DNAAF4: variants seen among roughly 807,000 people sequenced by gnomAD.
DNAAF4 encodes the protein dynein axonemal assembly factor 4.
DNAAF4 carries 43 observed loss-of-function variants against 51.8 expected under a neutral mutation model. The ratio of observed to expected loss-of-function variants is 0.83; its 90% CI spans 0.65 to 1.07. DNAAF4 has a LOEUF of 1.07. Ranked by LOEUF, DNAAF4 falls within the 50% of genes least tolerant of loss-of-function variation. The pLI, the probability that DNAAF4 is intolerant of heterozygous loss-of-function variation, is 0.00. For missense variants in DNAAF4, 581 were observed against 493.0 expected, an observed-to-expected ratio of 1.18 and a Z score of -1.69; for synonymous variants, 194 against 165.6, an observed-to-expected ratio of 1.17 and a Z score of -1.32.
At chr15:55,457,319 C>G (rs1416060076) in intron 5 of DNAAF4, among the ~76,000 whole-genome samples, 9 of 152,052 alleles carry the variant, frequency 5.9e-5, no homozygotes. Context: ...TATAGCACAG[C>G]AGAGGCAGCC....
chr15:55,432,448 T>G lies in DNAAF4; in HGVS notation c.1153+49A>C. On this transcript the variant is annotated intron_variant, in intron 9 of 9. Coordinates refer to ENST00000321149, the MANE Select transcript of DNAAF4 (RefSeq NM_130810.4). Reference sequence around the variant, plus strand: ...GATCTTAAATAATTCCAATGACATTTTTTTCAGAGTATAACTTGGGACTTA... The same window carrying G: ...GATCTTAAATAATTCCAATGACATTGTTTTCAGAGTATAACTTGGGACTTA... 4.2e-6 allele frequency: 6 copies of G among 1,442,724 alleles called. 1 individual carries two copies. Among genetic ancestry groups the G allele is most frequent in the South Asian group, 1.3e-5 (1 of 78,854 alleles). The allele number at this position is 1,442,724 out of a possible 1,614,324, so 89.4% of individuals were successfully genotyped here. A position where few individuals can be genotyped will look rare whatever the true frequency, so the allele number is the denominator to read the frequency against.
intron 8 of DNAAF4, among the ~76,000 whole-genome samples, chr15:55,432,980 A>T (rs2057521203): frequency 6.6e-6 from 1 of 151,416 alleles, no homozygotes; most frequent in Non-Finnish European, 1.5e-5. Flanking sequence ...ACAAACAAGC[A>T]AAAACATGGT....
At chr15:55,456,556 C>A (rs975637386) in intron 5 of DNAAF4, among the ~76,000 whole-genome samples, 2 of 152,096 alleles carry the variant, frequency 1.3e-5, no homozygotes, top group African/African-American at 4.8e-5. Flanking sequence ...ACTCACAATG[C>A]GAACTTTTAC....
chr15:55,460,940 T>G (rs1401223983), intron 5 of DNAAF4, among the ~76,000 whole-genome samples: 2 of 151,910 alleles, frequency 1.3e-5, no homozygotes, highest in African/African-American at 4.8e-5. Flanking sequence ...AATTTTTGTA[T>G]TTTTAGTAAA....
chr15:55,447,453 G>A (rs377587125), intron 6 of DNAAF4, among the ~76,000 whole-genome samples: 41 of 151,896 alleles, frequency 2.7e-4, no homozygotes, highest in Admixed American at 6.6e-4. Context: ...GTAGCGAGCC[G>A]AGATCATGCC....
At position 55,488,949 on chromosome 15, in the gene DNAAF4, C is replaced by T. The variant is rs139213387; in HGVS notation, c.405+2174G>A. Among the ~76,000 whole-genome samples the T allele has an allele frequency of 2.0e-3, 301 of 152,112 alleles. 1 individual carries two copies. The highest frequency in any genetic ancestry group is 6.8e-3 in the Middle Eastern group (2 of 294). On this transcript the variant is annotated intron_variant, in intron 4 of 9. Coordinates refer to ENST00000321149, the MANE Select transcript of DNAAF4 (RefSeq NM_130810.4). ...TAAAAATACAAAAAAATTAGCCAGG[C>T]GTAGTGGCAGGCACCTGTAGTCCCA...
chr15:55,507,701 G>A (rs1401041563), intron 1 of DNAAF4, among the ~76,000 whole-genome samples: 2 of 152,006 alleles, frequency 1.3e-5, no homozygotes, highest in Non-Finnish European at 2.9e-5. Context: ...GAATTAAAAC[G>A]AAGGCCCGGG....
At chr15:55,493,952 C>T (rs1283254257) in intron 3 of DNAAF4, among the ~76,000 whole-genome samples, 1 of 151,794 alleles carries the variant, frequency 6.6e-6, no homozygotes, top group African/African-American at 2.4e-5. Context: ...GATCCTCCCA[C>T]CTTGGCCTCC....
chr15:55,425,343 A>C (rs1300203202), downstream of DNAAF4, among the ~76,000 whole-genome samples: 2 of 152,184 alleles, frequency 1.3e-5, no homozygotes, highest in Non-Finnish European at 2.9e-5. Context: ...CTGTTAGGTC[A>C]ATTTAACCAG....
intron 1 of DNAAF4, among the ~76,000 whole-genome samples, chr15:55,503,194 C>T (rs557721990): frequency 6.6e-6 from 1 of 152,124 alleles, no homozygotes; most frequent in African/African-American, 2.4e-5. Context: ...ATAAATTCCT[C>T]GACACATACA....
chr15:55,443,119 T>C lies in DNAAF4; in HGVS notation c.784-3538A>G, dbSNP rs576836507. 1.1e-3 allele frequency: 1,766 copies of C among 1,610,484 alleles called. 1 individual carries two copies. The highest frequency in any genetic ancestry group is 1.4e-3 in the Non-Finnish European group (1,630 of 1,176,580). ...AATCCTTTCAGTAGGTGTACGTTTATATGAAGGCAAACGTTTCCAGGAGCC... is the reference window on the plus strand; with the variant it reads ...AATCCTTTCAGTAGGTGTACGTTTACATGAAGGCAAACGTTTCCAGGAGCC... On this transcript the variant is annotated intron_variant, in intron 6 of 9. Coordinates refer to ENST00000321149, the MANE Select transcript of DNAAF4 (RefSeq NM_130810.4).
At chr15:55,500,016 C>T (rs1309951480) in intron 1 of DNAAF4, among the ~76,000 whole-genome samples, 1 of 152,042 alleles carries the variant, frequency 6.6e-6, no homozygotes, top group Non-Finnish European at 1.5e-5. Flanking sequence ...AATTACTTCC[C>T]ACTTGGGGCT....
downstream of DNAAF4, among the ~76,000 whole-genome samples, chr15:55,429,242 G>A (rs977310490): frequency 2.2e-4 from 33 of 149,274 alleles, no homozygotes; most frequent in African/African-American, 7.7e-4. Context: ...AAATAAGGCC[G>A]GGCGCGGTGG....
rs546478550 is a variant in DNAAF4, at chr15:55,480,165, T to G, written c.405+10958A>C. On this transcript the variant is annotated intron_variant, in intron 4 of 9. Transcript: ENST00000321149. ...CCTTTTTGAAACCCTTAATAAAAAC[T>G]TGCTGGTTTGAGGCTCAAGCAGGCA... Among the ~76,000 whole-genome samples the G allele has an allele frequency of 4.0e-3, 605 of 152,186 alleles. 3 individuals carry two copies. The highest frequency in any genetic ancestry group is 7.1e-3 in the Non-Finnish European group (481 of 68,008).
intron 7 of DNAAF4, among the ~76,000 whole-genome samples, chr15:55,436,633 C>T (rs889952126): frequency 1.3e-5 from 2 of 152,148 alleles, no homozygotes; most frequent in South Asian, 2.1e-4. Flanking sequence ...AATCCACCCA[C>T]CTTGGCCTCC....
chr15:55,448,743 A>G (rs1199313273), intron 6 of DNAAF4, among the ~76,000 whole-genome samples: 1 of 151,054 alleles, frequency 6.6e-6, no homozygotes, highest in Non-Finnish European at 1.5e-5. Flanking sequence ...GGCGGTGGGC[A>G]CCTGTAGTCC....
chr15:55,426,552 C>A (rs1052205355), downstream of DNAAF4, among the ~76,000 whole-genome samples: 1 of 152,158 alleles, frequency 6.6e-6, no homozygotes, highest in Non-Finnish European at 1.5e-5. Flanking sequence ...GCCTCAGACT[C>A]CTGAGTAGCT....
intron 5 of DNAAF4, among the ~76,000 whole-genome samples, chr15:55,453,688 C>T (rs529674930): frequency 2.4e-4 from 36 of 151,298 alleles, no homozygotes; most frequent in South Asian, 1.0e-3. Flanking sequence ...GTAGCTGGGA[C>T]TACAGGCACC....
intron 4 of DNAAF4, among the ~76,000 whole-genome samples, chr15:55,474,257 T>A (rs2058305827): frequency 6.6e-6 from 1 of 152,096 alleles, no homozygotes; most frequent in Non-Finnish European, 1.5e-5. Flanking sequence ...ATCAACTAGC[T>A]GGGCGCGATG....
Sources: gnomAD v4.1 joint callset for allele counts (sites outside exome capture counted in the v4.1 genomes callset) on GRCh38, gnomAD v4.1.1 for gene constraint, MANE v1.5 for transcripts, NCBI Gene and HGNC (gene_info 2026-07-23, HGNC 2026-07-21) for gene names.